COBLL1: variants seen among roughly 807,000 people sequenced by gnomAD.
COBLL1 encodes cordon-bleu protein-like 1.
Under a neutral mutation model 94.8 loss-of-function variants are expected in COBLL1, and 50 were observed. The ratio of observed to expected loss-of-function variants is 0.53; its 90% CI spans 0.42 to 0.67. COBLL1 has a LOEUF of 0.67. COBLL1 is among the 30% of genes least tolerant of loss of function. The pLI is 0.00. For synonymous variants in COBLL1, 448 were observed against 473.8 expected (o/e 0.95, Z 0.71); for missense variants, 1,362 against 1,348.7 (o/e 1.01, Z -0.15).
Position 164,841,704 on chromosome 2 carries a change from T to G in COBLL1, c.-51+6A>C, listed in dbSNP as rs1457202648. ...TGATCTCTCTTTTCCCACCCAAGGC[T>G]CCTACGTTCTTTTCCAAAGGAGACA... On this transcript the variant is annotated splice_donor_region_variant and intron_variant, in intron 1 of 13. Coordinates refer to ENST00000652658, the MANE Select transcript of COBLL1 (RefSeq NM_001365672.2). The surrounding 1 kb of genome is among the most constrained non-coding windows in gnomAD (Gnocchi z 5.5). The G allele has an allele frequency of 8.5e-6, 4 of 469,392 alleles. No homozygotes were observed. The highest frequency in any genetic ancestry group is 1.5e-5 in the Non-Finnish European group (4 of 267,142). The allele number at this position is 469,392 out of a possible 1,614,324, so 29.1% of individuals were successfully genotyped here. A position where few individuals can be genotyped will look rare whatever the true frequency, so the allele number is the denominator to read the frequency against.
At chr2:164,751,100 C>A (rs1486892785) in intron 2 of COBLL1, among the ~76,000 whole-genome samples, 3 of 152,082 alleles carry the variant, frequency 2.0e-5, no homozygotes, top group Admixed American at 6.6e-5. Flanking sequence ...TCCTTGAGGT[C>A]ATTCAGAATT....
At chr2:164,790,144 C>G (rs78440683) in intron 2 of COBLL1, among the ~76,000 whole-genome samples, 1 of 152,204 alleles carries the variant, frequency 6.6e-6, no homozygotes, top group Non-Finnish European at 1.5e-5. Flanking sequence ...TTTGCACTTA[C>G]GCCTCATGTC....
At chr2:164,839,754 A>T (rs573825009) in intron 2 of COBLL1, among the ~76,000 whole-genome samples, 1 of 152,286 alleles carries the variant, frequency 6.6e-6, no homozygotes, top group South Asian at 2.1e-4. Context: ...TCCACTTAGG[A>T]ACCTTGCTTG....
At chr2:164,792,696 A>C (rs74660150) in intron 2 of COBLL1, among the ~76,000 whole-genome samples, 1,717 of 152,294 alleles carry the variant, frequency 0.011, 31 homozygotes, top group African/African-American at 0.039. Context: ...TCTTTAGAGG[A>C]AAAAGACATA....
chr2:164,703,645 T>C (rs1270664309), intron 9 of COBLL1: 1 of 407,356 alleles, frequency 2.5e-6, no homozygotes, highest in Non-Finnish European at 4.9e-6. Context: ...AGATGAAAGA[T>C]TCAAGAGTGT....
chr2:164,731,912 G>A (rs1285723582), intron 3 of COBLL1, among the ~76,000 whole-genome samples: 2 of 152,134 alleles, frequency 1.3e-5, no homozygotes, highest in Non-Finnish European at 2.9e-5. Context: ...TCCAGACAAG[G>A]AGTCTCCTGC....
chr2:164,791,887 T>TA (rs1304488419), intron 2 of COBLL1, among the ~76,000 whole-genome samples: 61 of 150,686 alleles, frequency 4.0e-4, no homozygotes, highest in Non-Finnish European at 5.8e-4. Flanking sequence ...TTTTTTTTTT[T>TA]AAAAAAAGCA....
Position 164,700,697 on chromosome 2 carries a change from C to G in COBLL1, c.1285G>C (p.Val429Leu). Residue 429 changes from valine to leucine, a missense_variant, in exon 10 of 14, where the codon GTG (valine) becomes CTG (leucine). By Grantham distance (32) the Val-to-Leu change is conservative. Coordinates refer to ENST00000652658, the MANE Select transcript of COBLL1 (RefSeq NM_001365672.2). ...EIDEKEELSE[V>L]PKVEAENISP... ...ATATTTTCAGCTTCAACTTTAGGCA[C>G]TTCACTCAGTTCTTCCTTTTCATCT... The G allele has an allele frequency of 1.1e-5, 17 of 1,613,570 alleles. No homozygotes were observed. The highest frequency in any genetic ancestry group is 1.4e-5 in the Non-Finnish European group (17 of 1,179,582).
At position 164,694,392 on chromosome 2, in the gene COBLL1, A is replaced by G. The variant is rs1330411186; in HGVS notation, c.3000T>C (p.Ser1000=). 1 of 1,613,840 alleles carries G rather than the reference A, an allele frequency of 6.2e-7. No individual in the cohort carries two copies. The highest frequency in any genetic ancestry group is 8.5e-7 in the Non-Finnish European group (1 of 1,179,946). ...CACTAGGTGACTCGGTGCGCTCTTTACTGAAAGACTGTGACCTTTTCACTA... is the reference window on the plus strand; with the variant it reads ...CACTAGGTGACTCGGTGCGCTCTTTGCTGAAAGACTGTGACCTTTTCACTA... The part of the protein sequence containing the change: ...LAVVKRSQSF[S]KERTESPSAS... Residue 1000 remains serine (S), a synonymous_variant, in exon 12 of 14, where the codon AGT becomes AGC. Transcript: ENST00000652658.
At chr2:164,815,006 T>C (rs1313865733) in intron 2 of COBLL1, among the ~76,000 whole-genome samples, 1 of 152,212 alleles carries the variant, frequency 6.6e-6, no homozygotes, top group Non-Finnish European at 1.5e-5. Context: ...CTTGAGCTAA[T>C]GAGCTAATTT....
chr2:164,704,376 A>G, intron 9 of COBLL1, 68 bp downstream of exon 9: 5 of 896,694 alleles, frequency 5.6e-6, no homozygotes, highest in Non-Finnish European at 9.3e-6. Context: ...TCGCAAATGG[A>G]CTCATTTCTC....
At chr2:164,767,737 G>A (rs970303190) in intron 2 of COBLL1, among the ~76,000 whole-genome samples, 7 of 151,548 alleles carry the variant, frequency 4.6e-5, no homozygotes, top group Non-Finnish European at 8.8e-5. Flanking sequence ...TAATTTTTTG[G>A]TTAGGGTAGG....
At chr2:164,796,462 A>G (rs1314267936) in intron 2 of COBLL1, among the ~76,000 whole-genome samples, 1 of 152,232 alleles carries the variant, frequency 6.6e-6, no homozygotes, top group Non-Finnish European at 1.5e-5. Flanking sequence ...AAACAAATGC[A>G]TACAGAAATA....
chr2:164,709,158 A>G (rs1280075423), intron 7 of COBLL1, among the ~76,000 whole-genome samples: 1 of 152,224 alleles, frequency 6.6e-6, no homozygotes, highest in African/African-American at 2.4e-5. Context: ...AAAACAGAGT[A>G]TTTATATTTT....
chr2:164,772,729 T>C (rs1688267122), intron 2 of COBLL1, among the ~76,000 whole-genome samples: 1 of 152,110 alleles, frequency 6.6e-6, no homozygotes, highest in Non-Finnish European at 1.5e-5. Context: ...CACAATTTTA[T>C]CTTACATAAA....
chr2:164,785,922 A>AT (rs10571352), intron 2 of COBLL1, among the ~76,000 whole-genome samples: 42 of 150,170 alleles, frequency 2.8e-4, no homozygotes, highest in East Asian at 1.6e-3. Flanking sequence ...CAAAAGGTAG[A>AT]TTTTTTTTTT....
chr2:164,759,170 G>T (rs1263601193), intron 2 of COBLL1, among the ~76,000 whole-genome samples: 3 of 151,942 alleles, frequency 2.0e-5, no homozygotes, highest in Non-Finnish European at 2.9e-5. Flanking sequence ...TATGAACTTG[G>T]GTAAATATTA....
At chr2:164,772,602 T>C (rs1371261587) in intron 2 of COBLL1, among the ~76,000 whole-genome samples, 1 of 152,092 alleles carries the variant, frequency 6.6e-6, no homozygotes, top group African/African-American at 2.4e-5. Context: ...GAAGAAATAC[T>C]TTATACCACA....
chr2:164,780,961 C>T (rs1442193356), intron 2 of COBLL1, among the ~76,000 whole-genome samples: 5 of 152,098 alleles, frequency 3.3e-5, no homozygotes, highest in East Asian at 3.9e-4. Flanking sequence ...CTGTGATGTG[C>T]GTATTTTCTC....
Sources: gnomAD v4.1 joint callset for allele counts (sites outside exome capture counted in the v4.1 genomes callset) on GRCh38, gnomAD v4.1.1 for gene constraint, Gnocchi (gnomAD v3.1) non-coding constraint, MANE v1.5 for transcripts, NCBI Gene and HGNC (gene_info 2026-07-23, HGNC 2026-07-21) for gene names.